Variants in SLC7A14 observed in about 807,000 individuals in gnomAD.
SLC7A14 encodes solute carrier family 7 member 14.
A neutral mutation model predicts 60.2 loss-of-function variants in SLC7A14; 37 were observed. The observed-to-expected ratio is 0.61, with a 90% CI of 0.47 to 0.81. SLC7A14 has a LOEUF of 0.81. Ranked by LOEUF, SLC7A14 falls within the 30% of genes least tolerant of loss-of-function variation. The probability of loss-of-function intolerance (pLI) is 0.00; values close to 1 mark genes in which losing one functional copy is unlikely to be tolerated. For synonymous variants in SLC7A14, 399 were observed against 395.8 expected (o/e 1.01, Z -0.10); for missense variants, 886 against 982.7 (o/e 0.90, Z 1.32).
At position 170,498,232 on chromosome 3, in the gene SLC7A14, G is replaced by A. The variant is rs714864; in HGVS notation, c.759+435C>T. ...GCACAGACTTTGGAGCCAGGCAGTC[G>A]TGGCTGACTGGGTTCTGCCACTTAC... On this transcript the variant is annotated intron_variant, in intron 4 of 7. Transcript: ENST00000231706. Among the ~76,000 whole-genome samples the A allele has an allele frequency of 2.6e-5, 4 of 152,152 alleles. No homozygotes were observed. The South Asian group carries it at 8.3e-4, about 32-fold the overall frequency.
At chr3:170,584,660 A>G (rs1241845479) in intron 1 of SLC7A14, among the ~76,000 whole-genome samples, 1 of 152,148 alleles carries the variant, frequency 6.6e-6, no homozygotes, top group East Asian at 1.9e-4. Flanking sequence ...TTCTGCTCGC[A>G]GGGAATGTGG....
At chr3:170,470,005 C>A (rs1012252495) in intron 7 of SLC7A14, among the ~76,000 whole-genome samples, 1 of 152,076 alleles carries the variant, frequency 6.6e-6, no homozygotes, top group Non-Finnish European at 1.5e-5. Context: ...TATGGGAATT[C>A]TCTAAAAACC....
chr3:170,462,603 C>T lies in SLC7A14; in HGVS notation c.*4452G>A, dbSNP rs550572606. 6.6e-6 allele frequency: 1 copy of T among 152,204 alleles called. No individual in the cohort carries two copies. The highest frequency in any genetic ancestry group is 2.1e-4 in the South Asian group (1 of 4,822). The allele number at this position is 152,204 out of a possible 1,614,324, so 9.4% of individuals were successfully genotyped here. ...GTTACTAAGAAGTAGAACTGGCACA[C>T]GCCTATAATCCCAGCTGCTTGGGAG... On this transcript the variant is annotated 3_prime_UTR_variant, in exon 8 of 8. Transcript: ENST00000231706.
At chr3:170,560,872 T>C (rs1327966347) in intron 1 of SLC7A14, among the ~76,000 whole-genome samples, 1 of 152,216 alleles carries the variant, frequency 6.6e-6, no homozygotes, top group Non-Finnish European at 1.5e-5. Context: ...TTTAACCACG[T>C]GTCTTATAGT....
At chr3:170,580,998 C>T (rs115559018) in intron 1 of SLC7A14, among the ~76,000 whole-genome samples, 3,447 of 152,186 alleles carry the variant, frequency 0.023, 145 homozygotes, top group African/African-American at 0.079. Flanking sequence ...GATCAAAGTG[C>T]GGGAGTAGGT....
At chr3:170,470,308 A>ATGTGTATGTGTGTGTG (rs1553864053) in intron 7 of SLC7A14, among the ~76,000 whole-genome samples, 1 of 143,594 alleles carries the variant, frequency 7.0e-6, no homozygotes, top group African/African-American at 2.6e-5. Flanking sequence ...TGGAAGGAAC[A>ATGTGTATGTGTGTGTG]TGTGTGTGTG....
At chr3:170,503,805 T>A (rs1173677842) in intron 2 of SLC7A14, among the ~76,000 whole-genome samples, 2 of 152,220 alleles carry the variant, frequency 1.3e-5, no homozygotes, top group African/African-American at 4.8e-5. Context: ...AGAATACACT[T>A]GCCAAGGGTA....
chr3:170,567,726 T>C (rs1714833941), intron 1 of SLC7A14, among the ~76,000 whole-genome samples: 1 of 152,104 alleles, frequency 6.6e-6, no homozygotes, highest in Non-Finnish European at 1.5e-5. Context: ...TGGTATCTCA[T>C]TGTGGTTTTG....
chr3:170,540,559 C>T (rs996697002), intron 1 of SLC7A14, among the ~76,000 whole-genome samples: 1 of 151,888 alleles, frequency 6.6e-6, no homozygotes, highest in Non-Finnish European at 1.5e-5. Flanking sequence ...CAGGAGTGCA[C>T]TGTTCATTTC....
chr3:170,575,616 T>C (rs1005944322), intron 1 of SLC7A14, among the ~76,000 whole-genome samples: 1 of 152,242 alleles, frequency 6.6e-6, no homozygotes, highest in African/African-American at 2.4e-5. Context: ...GCTCAATTGA[T>C]GGCTAAAATT....
intron 4 of SLC7A14, among the ~76,000 whole-genome samples, chr3:170,493,895 T>C (rs1712300888): frequency 6.6e-6 from 1 of 152,210 alleles, no homozygotes; most frequent in Non-Finnish European, 1.5e-5. Flanking sequence ...ATGATACTTT[T>C]AGGCACATTC....
chr3:170,539,872 G>A (rs1053188146), intron 1 of SLC7A14, among the ~76,000 whole-genome samples: 2 of 152,128 alleles, frequency 1.3e-5, no homozygotes, highest in African/African-American at 4.8e-5. Context: ...TAATAGATTA[G>A]CCACAGTAAG....
At chr3:170,583,540 G>C (rs567924721) in intron 1 of SLC7A14, among the ~76,000 whole-genome samples, 1 of 152,256 alleles carries the variant, frequency 6.6e-6, no homozygotes, top group Admixed American at 6.5e-5. Context: ...AAGTTAACTG[G>C]GTTCTAATTT....
Position 170,459,792 on chromosome 3 carries a change from C to A in SLC7A14, c.*7263G>T, listed in dbSNP as rs2108258556. ...ATATGGGAAGGCTCCTTTTTCTTTT[C>A]TTTCTTTTTTTTTGGTAGTCTCGTG... On this transcript the variant is annotated 3_prime_UTR_variant, in exon 8 of 8. Coordinates refer to ENST00000231706, the MANE Select transcript of SLC7A14 (RefSeq NM_020949.3). The A allele has an allele frequency of 6.6e-6, 1 of 151,972 alleles. No individual in the cohort carries two copies. Among genetic ancestry groups the A allele is most frequent in the Non-Finnish European group, 1.5e-5 (1 of 67,950 alleles). 9.4% of individuals were successfully genotyped at this position (151,972 alleles called of 1,614,324 possible).
chr3:170,540,236 A>G (rs73040402), intron 1 of SLC7A14, among the ~76,000 whole-genome samples: 59 of 152,324 alleles, frequency 3.9e-4, no homozygotes, highest in African/African-American at 1.3e-3. Flanking sequence ...TCAGATGACC[A>G]TGCGTAACTG....
chr3:170,562,566 G>A (rs1237209004), intron 1 of SLC7A14, among the ~76,000 whole-genome samples: 1 of 151,874 alleles, frequency 6.6e-6, no homozygotes, highest in African/African-American at 2.4e-5. Context: ...ATGGGTGCAC[G>A]AAAATCTCAC....
intron 3 of SLC7A14, 74 bp downstream of exon 3, chr3:170,501,035 T>C: frequency 4.1e-6 from 6 of 1,480,098 alleles, no homozygotes. Context: ...GCCAAATTGC[T>C]TTCTGAAAGG....
chr3:170,567,106 C>A (rs1031841157), intron 1 of SLC7A14, among the ~76,000 whole-genome samples: 1 of 149,510 alleles, frequency 6.7e-6, no homozygotes, highest in African/African-American at 2.5e-5. Context: ...GTGCTGCACC[C>A]ATTAACTCAT....
chr3:170,477,540 G>C (rs1224938359), intron 7 of SLC7A14, among the ~76,000 whole-genome samples: 2 of 152,218 alleles, frequency 1.3e-5, no homozygotes, highest in Non-Finnish European at 2.9e-5. Context: ...AATAATGGCT[G>C]ATATGTGATA....
Sources: allele counts gnomAD v4.1 joint callset (sites outside exome capture counted in the v4.1 genomes callset), GRCh38; gene constraint gnomAD v4.1.1; transcripts MANE v1.5; gene names NCBI Gene and HGNC (gene_info 2026-07-23, HGNC 2026-07-21).